The following SOX5 variants were observed in gnomAD, a reference collection of about 807,000 sequenced individuals.
SOX5 encodes transcription factor SOX-5.
Under a neutral mutation model 92.0 loss-of-function variants are expected in SOX5, and 9 were observed. The observed-to-expected ratio is 0.10, with a 90% CI of 0.06 to 0.17. The LOEUF (loss-of-function observed/expected upper bound fraction) is 0.17, where lower values mean the gene tolerates loss of function less well. Among genes scored for constraint, SOX5 ranks in the 10% least tolerant of loss-of-function variants. The probability of loss-of-function intolerance (pLI) is 1.00; values close to 1 mark genes in which losing one functional copy is unlikely to be tolerated. For synonymous variants in SOX5, 344 were observed against 336.3 expected, an observed-to-expected ratio of 1.02 and a Z score of -0.25; for missense variants, 642 against 944.5, an observed-to-expected ratio of 0.68 and a Z score of 4.20.
At chr12:23,993,051 T>A (rs892783434) in intron 4 of SOX5, among the ~76,000 whole-genome samples, 1 of 152,172 alleles carries the variant, frequency 6.6e-6, no homozygotes, top group Non-Finnish European at 1.5e-5. Context: ...ATTGAGACAG[T>A]TCCTCAAAAA....
intron 1 of SOX5, among the ~76,000 whole-genome samples, chr12:24,450,614 C>G (rs1441653337): frequency 6.6e-6 from 1 of 152,064 alleles, no homozygotes; most frequent in Non-Finnish European, 1.5e-5. Context: ...CCTGCCTCAG[C>G]CTCCCAAGTA....
chr12:24,291,788 G>A (rs1946649613), intron 2 of SOX5, among the ~76,000 whole-genome samples: 1 of 152,182 alleles, frequency 6.6e-6, no homozygotes, highest in Non-Finnish European at 1.5e-5. Context: ...CAATATTCCT[G>A]ATTGACCAGA....
intron 1 of SOX5, among the ~76,000 whole-genome samples, chr12:24,415,763 C>A (rs1425323551): frequency 2.0e-5 from 3 of 152,226 alleles, no homozygotes; most frequent in Admixed American, 2.0e-4. Context: ...TATTGTTGAG[C>A]AATATCCGTA....
At chr12:24,161,472 T>C (rs1369734160) in intron 4 of SOX5, among the ~76,000 whole-genome samples, 2 of 151,994 alleles carry the variant, frequency 1.3e-5, no homozygotes, top group Admixed American at 6.6e-5. Flanking sequence ...AGTATAAGCA[T>C]TGAGAAGGTC....
intron 1 of SOX5, among the ~76,000 whole-genome samples, chr12:24,475,292 T>C (rs936649575): frequency 1.3e-5 from 2 of 152,186 alleles, no homozygotes; most frequent in Non-Finnish European, 2.9e-5. Flanking sequence ...TTTCTATGAG[T>C]ATATCAAGAT....
At chr12:24,468,280 G>A (rs1944433682) in intron 1 of SOX5, among the ~76,000 whole-genome samples, 1 of 152,206 alleles carries the variant, frequency 6.6e-6, no homozygotes, top group South Asian at 2.1e-4. Context: ...TGTTAATTTG[G>A]ATAAGTTATT....
chr12:24,508,182 C>T (rs964290611), intron 1 of SOX5, among the ~76,000 whole-genome samples: 7 of 152,062 alleles, frequency 4.6e-5, no homozygotes, highest in Admixed American at 2.6e-4. Context: ...TTTACACATG[C>T]GTCTAGACCA....
chr12:23,877,347 G>C (rs1012543960), intron 2 of SOX5, among the ~76,000 whole-genome samples: 3 of 151,794 alleles, frequency 2.0e-5, no homozygotes, highest in African/African-American at 7.3e-5. Flanking sequence ...TTCTTTAAAA[G>C]TTGAAAATAC....
intron 1 of SOX5, among the ~76,000 whole-genome samples, chr12:24,484,917 C>G (rs1430314811): frequency 6.6e-6 from 1 of 152,064 alleles, no homozygotes; most frequent in African/African-American, 2.4e-5. Context: ...TACTAGAGAT[C>G]ATTTTTAAAA....
intron 1 of SOX5, among the ~76,000 whole-genome samples, chr12:24,415,084 C>A (rs192915225): frequency 1.1e-3 from 170 of 152,324 alleles, no homozygotes; most frequent in African/African-American, 3.9e-3. Context: ...TTCACTAGTT[C>A]TCTGTGTAAA....
chr12:24,138,506 T>C (rs558866461), intron 4 of SOX5, among the ~76,000 whole-genome samples: 2 of 152,332 alleles, frequency 1.3e-5, no homozygotes, highest in African/African-American at 2.4e-5. Context: ...CATTAAGCTA[T>C]TGCTACTTTT....
chr12:24,170,575 G>A (rs879621714), intron 4 of SOX5, among the ~76,000 whole-genome samples: 1 of 152,090 alleles, frequency 6.6e-6, no homozygotes, highest in African/African-American at 2.4e-5. Context: ...TGCACACCCC[G>A]TCGGCCCACA....
chr12:24,448,991 C>T (rs565401813), intron 1 of SOX5, among the ~76,000 whole-genome samples: 1 of 152,154 alleles, frequency 6.6e-6, no homozygotes, highest in Non-Finnish European at 1.5e-5. Context: ...CCCCGCTACA[C>T]CCCGCTTCCA....
At chr12:24,197,773 C>A (rs1957144273) in intron 4 of SOX5, among the ~76,000 whole-genome samples, 1 of 152,114 alleles carries the variant, frequency 6.6e-6, no homozygotes, top group African/African-American at 2.4e-5. Context: ...GTCTGGGTCC[C>A]TGATAGCATG....
chr12:24,021,169 T>A (rs1036700241), intron 4 of SOX5, among the ~76,000 whole-genome samples: 17 of 152,066 alleles, frequency 1.1e-4, no homozygotes, highest in African/African-American at 4.1e-4. Context: ...AGGAAGTGCA[T>A]GGAAGGTACA....
At chr12:23,685,782 C>T (rs2087451290) in intron 6 of SOX5, among the ~76,000 whole-genome samples, 1 of 152,072 alleles carries the variant, frequency 6.6e-6, no homozygotes, top group Non-Finnish European at 1.5e-5. Context: ...GAGGTATTAT[C>T]AAAATAATTT....
chr12:23,788,598 G>T (rs943051513), intron 3 of SOX5, among the ~76,000 whole-genome samples: 1 of 151,840 alleles, frequency 6.6e-6, no homozygotes, highest in African/African-American at 2.4e-5. Context: ...TTCATCCAGG[G>T]ATAAAATTTA....
chr12:23,963,383 TAATTCCAGTCA>T (rs1329898847), intron 4 of SOX5, among the ~76,000 whole-genome samples: 4 of 152,194 alleles, frequency 2.6e-5, no homozygotes, highest in African/African-American at 7.2e-5. Flanking sequence ...TATTTCTCTA[TAATTCCAGTCA>T]AATTCCAGTC....
intron 1 of SOX5, among the ~76,000 whole-genome samples, chr12:24,401,802 A>C (rs1055473995): frequency 1.3e-5 from 2 of 151,996 alleles, no homozygotes; most frequent in African/African-American, 4.8e-5. Context: ...CCTAGCCTAC[A>C]AAGCCTAAAA....
Sources: allele counts gnomAD v4.1 joint callset (sites outside exome capture counted in the v4.1 genomes callset), GRCh38; gene constraint gnomAD v4.1.1; transcripts MANE v1.5; gene names NCBI Gene and HGNC (gene_info 2026-07-23, HGNC 2026-07-21).